The following AKAP13 variants were observed in gnomAD, a reference collection of about 807,000 sequenced individuals.
AKAP13 encodes A-kinase anchoring protein 13, also known as A-kinase anchor protein 13.
Under a neutral mutation model 264.5 loss-of-function variants are expected in AKAP13, and 80 were observed. The ratio of observed to expected loss-of-function variants is 0.30; its 90% CI spans 0.25 to 0.36. The LOEUF is 0.36. Ranked by LOEUF, AKAP13 falls within the 10% of genes least tolerant of loss-of-function variation. The probability of loss-of-function intolerance (pLI) is 1.00; values close to 1 mark genes in which losing one functional copy is unlikely to be tolerated. For missense variants in AKAP13, 3,712 were observed against 3,435.2 expected (o/e 1.08, Z -2.01); for synonymous variants, 1,380 against 1,250.2 (o/e 1.10, Z -2.19).
intron 8 of AKAP13, among the ~76,000 whole-genome samples, chr15:85,631,502 TCACACACACACACA>T (rs55928032): frequency 0.068 from 9,559 of 141,014 alleles, 929 homozygotes; most frequent in African/African-American, 0.22. Flanking sequence ...TCTCTCTCTC[TCACACACACACACA>T]CACACACACA....
At position 85,483,582 on chromosome 15, in the gene AKAP13, C is replaced by T. The variant is rs1294260538; in HGVS notation, c.-11-2128C>T. On this transcript the variant is annotated intron_variant, in intron 1 of 36. Coordinates refer to ENST00000394518, the MANE Select transcript of AKAP13 (RefSeq NM_007200.5). ...CGGAGCTTGCAGTGAGCCGAGATTG[C>T]GCCACTGCAGTCCGCAGTCCGGCCT... Among the ~76,000 whole-genome samples, 8 of 141,898 alleles carry T rather than the reference C, an allele frequency of 5.6e-5. No individual in the cohort carries two copies. The South Asian group carries it at 6.6e-4, about 12-fold the overall frequency. The allele number at this position is 141,898 out of a possible 152,430, so 93.1% of individuals were successfully genotyped here.
intron 8 of AKAP13, among the ~76,000 whole-genome samples, chr15:85,619,156 G>A (rs1194331974): frequency 1.3e-5 from 2 of 151,936 alleles, no homozygotes; most frequent in Non-Finnish European, 2.9e-5. Flanking sequence ...AGGGGTGGGA[G>A]GAGGAGGAGG....
chr15:85,694,616 A>G (rs1057150729), intron 17 of AKAP13, among the ~76,000 whole-genome samples: 1 of 152,232 alleles, frequency 6.6e-6, no homozygotes, highest in African/African-American at 2.4e-5. Flanking sequence ...ACAGACCATA[A>G]TTTGCACGTT....
At chr15:85,633,679 G>A (rs1430636923) in intron 8 of AKAP13, among the ~76,000 whole-genome samples, 2 of 151,508 alleles carry the variant, frequency 1.3e-5, no homozygotes, top group Admixed American at 1.3e-4. Context: ...GAGTAGCTGG[G>A]ACTACAGGCG....
chr15:85,603,511 C>G (rs2080184735), intron 8 of AKAP13, among the ~76,000 whole-genome samples: 1 of 152,198 alleles, frequency 6.6e-6, no homozygotes. Flanking sequence ...CTTTGTCTAG[C>G]CCATGTTGCA....
In AKAP13 at chr15:85,736,123, A is replaced by C; in HGVS notation, c.7546A>C (p.Arg2516=). ...TGCTAACCTGGTATTTATGCTTAAAAGAAACAGTGAGGTAAGGACATTATG... is the reference window on the plus strand; with the variant it reads ...TGCTAACCTGGTATTTATGCTTAAACGAAACAGTGAGGTAAGGACATTATG... The part of the protein sequence containing the change: ...GNANLVFMLK[R]NSEQVVQSVV... Residue 2516 remains arginine (R), a synonymous_variant, in exon 33 of 37, where the codon AGA becomes CGA. Coordinates refer to ENST00000394518, the MANE Select transcript of AKAP13 (RefSeq NM_007200.5). The C allele has an allele frequency of 6.2e-7, 1 of 1,604,924 alleles. No individual in the cohort carries two copies. The highest frequency in any genetic ancestry group is 1.1e-5 in the South Asian group (1 of 90,760).
At chr15:85,677,796 G>A (rs928409648) in intron 14 of AKAP13, among the ~76,000 whole-genome samples, 3 of 151,812 alleles carry the variant, frequency 2.0e-5, no homozygotes, top group South Asian at 2.1e-4. Flanking sequence ...ACAGGCGTCC[G>A]CCACCACGCC....
At chr15:85,415,257 T>G in intron 1 of AKAP13, 1 of 1,571,036 alleles carries the variant, frequency 6.4e-7, no homozygotes, top group Non-Finnish European at 8.7e-7. Context: ...GGAAGGAAGA[T>G]GGCGCCTGGT....
At chr15:85,409,508 A>G (rs531068616) in intron 1 of AKAP13, among the ~76,000 whole-genome samples, 1 of 151,348 alleles carries the variant, frequency 6.6e-6, no homozygotes, top group South Asian at 2.1e-4. Context: ...GGTTGTAGGA[A>G]TTATTTATGT....
chr15:85,635,632 C>T (rs338504), intron 8 of AKAP13, among the ~76,000 whole-genome samples: 18,892 of 151,650 alleles, frequency 0.12, 1,941 homozygotes, highest in East Asian at 0.36. Context: ...TTTGTGTAAC[C>T]GAAGTTCCCA....
chr15:85,428,741 C>T (rs184447698), intron 1 of AKAP13, among the ~76,000 whole-genome samples: 23 of 152,262 alleles, frequency 1.5e-4, no homozygotes, highest in African/African-American at 4.3e-4. Flanking sequence ...TGGTAGCTGT[C>T]GGTAGTGCTG....
intron 8 of AKAP13, among the ~76,000 whole-genome samples, chr15:85,630,459 A>G (rs1260771117): frequency 1.3e-5 from 2 of 152,206 alleles, no homozygotes; most frequent in Admixed American, 1.3e-4. Flanking sequence ...ATTGTCTACT[A>G]TGCAAGATGC....
chr15:85,618,404 C>G (rs763812798), intron 8 of AKAP13, among the ~76,000 whole-genome samples: 5 of 152,140 alleles, frequency 3.3e-5, no homozygotes, highest in Admixed American at 1.3e-4. Context: ...CTAAGGACTA[C>G]TCTGGACAAC....
chr15:85,564,920 T>G (rs2078548556), intron 5 of AKAP13, among the ~76,000 whole-genome samples: 1 of 152,158 alleles, frequency 6.6e-6, no homozygotes, highest in South Asian at 2.1e-4. Flanking sequence ...TATAGTGCAG[T>G]TCAGCAAGTC....
At chr15:85,669,033 C>G (rs562094742) in intron 13 of AKAP13, among the ~76,000 whole-genome samples, 1 of 151,292 alleles carries the variant, frequency 6.6e-6, no homozygotes, top group African/African-American at 2.4e-5. Context: ...GTCAGGAGTT[C>G]GAGACCTGCC....
intron 1 of AKAP13, among the ~76,000 whole-genome samples, chr15:85,443,285 G>A (rs2073775873): frequency 6.6e-6 from 1 of 152,078 alleles, no homozygotes; most frequent in Admixed American, 6.6e-5. Flanking sequence ...CCCTGTTTTA[G>A]CTTTGGTGTT....
At chr15:85,723,813 A>G (rs1304184763) in intron 26 of AKAP13, among the ~76,000 whole-genome samples, 1 of 152,208 alleles carries the variant, frequency 6.6e-6, no homozygotes, top group Non-Finnish European at 1.5e-5. Context: ...TTTAACCCAC[A>G]TCAATTAGAT....
chr15:85,614,988 G>A (rs2080871477), intron 8 of AKAP13, among the ~76,000 whole-genome samples: 1 of 152,258 alleles, frequency 6.6e-6, no homozygotes, highest in South Asian at 2.1e-4. Flanking sequence ...TTTTGATTCT[G>A]CCATCTCCCT....
At chr15:85,479,818 A>G (rs1032444104) in intron 1 of AKAP13, among the ~76,000 whole-genome samples, 2 of 152,184 alleles carry the variant, frequency 1.3e-5, no homozygotes, top group Non-Finnish European at 1.5e-5. Context: ...CTTCTCTTGT[A>G]GCATGTGTAG....
Sources: gnomAD v4.1 joint callset for allele counts (sites outside exome capture counted in the v4.1 genomes callset) on GRCh38, gnomAD v4.1.1 for gene constraint, MANE v1.5 for transcripts, NCBI Gene and HGNC (gene_info 2026-07-23, HGNC 2026-07-21) for gene names.